PARP6: variants seen among roughly 807,000 people sequenced by gnomAD.
PARP6 encodes poly(ADP-ribose) polymerase family member 6, also known as protein mono-ADP-ribosyltransferase PARP6.
Under a neutral mutation model 92.0 loss-of-function variants are expected in PARP6, and 27 were observed. The ratio of observed to expected loss-of-function variants is 0.29; its 90% CI spans 0.22 to 0.40. PARP6 has a LOEUF of 0.40. PARP6 is among the 10% of genes least tolerant of loss of function. The pLI is 1.00. For synonymous variants in PARP6, 272 were observed against 281.2 expected, an observed-to-expected ratio of 0.97 and a Z score of 0.33; for missense variants, 501 against 784.5, an observed-to-expected ratio of 0.64 and a Z score of 4.32.
At chr15:72,253,741 A>C (rs2084682036) in intron 15 of PARP6, 1 of 662,144 alleles carries the variant, frequency 1.5e-6, no homozygotes, top group Non-Finnish European at 2.8e-6. Context: ...GGTCTCCCTC[A>C]TTTTATGCAA....
intron 14 of PARP6, 121 bp downstream of exon 14, chr15:72,256,342 TCA>T: frequency 1.4e-6 from 1 of 721,362 alleles, no homozygotes; most frequent in Non-Finnish European, 2.0e-6. Flanking sequence ...AACAGCTAAA[TCA>T]CAGAGTTTAA....
At chr15:72,257,115 T>C (rs2085246437) in intron 13 of PARP6, among the ~76,000 whole-genome samples, 1 of 152,220 alleles carries the variant, frequency 6.6e-6, no homozygotes, top group Non-Finnish European at 1.5e-5. Context: ...TATGTTAAAA[T>C]TTTGTCTATA....
rs750760928 is a variant in PARP6 at position 72,241,585 on chromosome 15, T to G, written c.1791-28A>C. The stretch of plus-strand genomic sequence containing the variant: ...GCCAAAGATAGGGCAAGTGTGAGCA[T>G]AAGAGGGAGAACAATACCAGAATAA... On this transcript the variant is annotated intron_variant, in intron 23 of 23. Transcript: ENST00000569795. The surrounding 1 kb of genome is among the most constrained non-coding windows in gnomAD (Gnocchi z 4.1). The G allele has an allele frequency of 6.6e-7, 1 of 1,504,424 alleles. No homozygotes were observed. The highest frequency in any genetic ancestry group is 1.1e-5 in the South Asian group (1 of 88,862). The allele number at this position is 1,504,424 out of a possible 1,614,324, so 93.2% of individuals were successfully genotyped here.
At chr15:72,249,970 A>C (rs2084126868) in intron 19 of PARP6, 50 bp downstream of exon 19, 1 of 1,215,066 alleles carries the variant, frequency 8.2e-7, no homozygotes, top group African/African-American at 1.5e-5. Flanking sequence ...CACAAAACTG[A>C]GTAGGGAAGG....
chr15:72,251,261 A>G lies in PARP6; in HGVS notation c.1260-6T>C. The stretch of plus-strand genomic sequence containing the variant: ...ACCTGTTGCTAGAGATGATCCTGGG[A>G]AGAAACAGAAAAAAATAAAAAGGAT... On this transcript the variant is annotated splice_polypyrimidine_tract_variant and splice_region_variant and intron_variant, in intron 16 of 23. Transcript: ENST00000569795. The G allele has an allele frequency of 1.9e-6, 3 of 1,567,132 alleles. No homozygotes were observed. The highest frequency in any genetic ancestry group is 2.6e-6 in the Non-Finnish European group (3 of 1,141,246).
intron 15 of PARP6, chr15:72,254,093 C>A (rs1354567716): frequency 2.1e-6 from 1 of 476,050 alleles, no homozygotes; most frequent in South Asian, 1.5e-5. Context: ...AAGATGTAGG[C>A]CCCTGTGTCT....
intron 14 of PARP6, among the ~76,000 whole-genome samples, chr15:72,255,505 G>A (rs975177252): frequency 2.0e-5 from 3 of 151,954 alleles, no homozygotes; most frequent in South Asian, 2.1e-4. Flanking sequence ...TGATCCACCC[G>A]CCTTGGCCTC....
chr15:72,260,333 C>A, intron 10 of PARP6, 145 bp downstream of exon 10: 1 of 654,792 alleles, frequency 1.5e-6, no homozygotes, highest in Non-Finnish European at 2.7e-6. Context: ...AGAAGTGTTC[C>A]ATTCTACTCA....
chr15:72,266,669 T>A, intron 4 of PARP6, 76 bp downstream of exon 4: 1 of 1,055,984 alleles, frequency 9.5e-7, no homozygotes. Flanking sequence ...CAGAACCTCT[T>A]TCACTCCTGA....
intron 20 of PARP6, chr15:72,243,189 A>G (rs566622869): frequency 6.4e-6 from 1 of 155,516 alleles, no homozygotes; most frequent in South Asian, 2.0e-4. Context: ...GGCCATGTTA[A>G]GGCAACTAAA....
chr15:72,249,246 T>C lies in PARP6; in HGVS notation c.1560A>G (p.Ser520=). 6.3e-7 allele frequency: 1 copy of C among 1,582,378 alleles called. No individual in the cohort carries two copies. The highest frequency in any genetic ancestry group is 8.7e-7 in the Non-Finnish European group (1 of 1,153,072). Residue 520 remains serine (S), a splice_region_variant and synonymous_variant, in exon 20 of 24, where the codon TCA becomes TCG. Transcript: ENST00000569795. The stretch of plus-strand genomic sequence containing the variant: ...AGGTGGCCACAGAATATTTCTTACC[T>C]GAGTATCCAAAGGAAATACTGGAGA... The part of the protein sequence containing the change: ...SPISSISFGY[S]GMGKGQHRMP...
chr15:72,260,483 G>C lies in PARP6; in HGVS notation c.751C>G (p.Pro251Ala). 1.3e-5 allele frequency: 21 copies of C among 1,613,100 alleles called. No individual in the cohort carries two copies. Among genetic ancestry groups the C allele is most frequent in the Non-Finnish European group, 1.7e-5 (20 of 1,179,092 alleles). ...ACCCTCCCCAGCCCATGTACCAAAG[G>C]AGAGGTCCGTGCTGGGGGAGGGAGG... ...VGLPPPARTSPLVSGHCKNIP... is the reference protein window; with the variant it reads ...VGLPPPARTSALVSGHCKNIP... Residue 251 changes from proline (P) to alanine (A), a missense_variant, in exon 10 of 24, where the codon CCT becomes GCT. Coordinates refer to ENST00000569795, the MANE Select transcript of PARP6 (RefSeq NM_001323532.2).
At chr15:72,254,236 A>C (rs2084754770) in intron 15 of PARP6, among the ~76,000 whole-genome samples, 2 of 152,230 alleles carry the variant, frequency 1.3e-5, no homozygotes, top group African/African-American at 4.8e-5. Context: ...ATTAACAGCA[A>C]AGGTAAAGAT....
At chr15:72,269,200 G>A (rs895915919) in intron 2 of PARP6, among the ~76,000 whole-genome samples, 8 of 152,100 alleles carry the variant, frequency 5.3e-5, no homozygotes, top group Admixed American at 1.3e-4. Context: ...TCGCTGTGTC[G>A]CCCAGGCTGG....
chr15:72,250,608 C>T (rs1367355975), intron 18 of PARP6, among the ~76,000 whole-genome samples: 1 of 152,176 alleles, frequency 6.6e-6, no homozygotes, highest in Non-Finnish European at 1.5e-5. Flanking sequence ...TTTCTTCAGC[C>T]ACATCTTTTC....
intron 11 of PARP6, among the ~76,000 whole-genome samples, 196 bp downstream of exon 11, chr15:72,259,412 T>TA (rs1567211462): frequency 6.6e-6 from 1 of 152,238 alleles, no homozygotes; most frequent in Non-Finnish European, 1.5e-5. Flanking sequence ...CACTTGATCA[T>TA]AAGTGGTAAG....
At chr15:72,253,597 AAGGTAGG>A in intron 15 of PARP6, 93 bp from the exon 16 acceptor site, 1 of 1,049,216 alleles carries the variant, frequency 9.5e-7, no homozygotes, top group East Asian at 2.6e-5. Flanking sequence ...GGTCCAGGGC[AAGGTAGG>A]CACCAAAGGC....
intron 19 of PARP6, 23 bp from the exon 20 acceptor site, chr15:72,249,337 A>C (rs771102965): frequency 6.8e-7 from 1 of 1,478,012 alleles, no homozygotes; most frequent in African/African-American, 1.4e-5. Context: ...CACCAGGATG[A>C]GTAATATGAG....
Position 72,265,427 on chromosome 15 carries a change from T to C in PARP6, c.223A>G (p.Ile75Val). The change falls in exon 6 of 24, where the codon ATC becomes GTC. Residue 75 changes from isoleucine (I) to valine (V), a missense_variant. By Grantham distance (29) the Ile-to-Val change is conservative. Transcript: ENST00000569795. ...DDVDIDLHIN[I>V]SFLDEEVSTA... Reference sequence around the variant, plus strand: ...GCCCCACTTACATCGAGGAAGCTGATGTTGATGTGGAGGTCAATGTCCACG... The same window carrying C: ...GCCCCACTTACATCGAGGAAGCTGACGTTGATGTGGAGGTCAATGTCCACG... The C allele has an allele frequency of 6.2e-7, 1 of 1,613,774 alleles. No individual in the cohort carries two copies.
Sources: gnomAD v4.1 joint callset for allele counts (sites outside exome capture counted in the v4.1 genomes callset) on GRCh38, gnomAD v4.1.1 for gene constraint, Gnocchi (gnomAD v3.1) non-coding constraint, MANE v1.5 for transcripts, NCBI Gene and HGNC (gene_info 2026-07-23, HGNC 2026-07-21) for gene names.